The following RBFOX1 variants were observed in gnomAD, a reference collection of about 807,000 sequenced individuals.
The protein encoded by RBFOX1 is RNA binding fox-1 homolog 1, also known as RNA binding protein fox-1 homolog 1.
A neutral mutation model predicts 57.7 loss-of-function variants in RBFOX1; 8 were observed. The ratio of observed to expected loss-of-function variants is 0.14; its 90% CI spans 0.08 to 0.25. RBFOX1 has a LOEUF of 0.25. Ranked by LOEUF, RBFOX1 falls within the 10% of genes least tolerant of loss-of-function variation. The pLI, the probability that RBFOX1 is intolerant of heterozygous loss-of-function variation, is 1.00. For missense variants in RBFOX1, 611 were observed against 548.5 expected (o/e 1.11, Z -1.14); for synonymous variants, 326 against 222.4 (o/e 1.47, Z -4.15).
chr16:6,438,704 G>T (rs1412180552), intron 2 of RBFOX1, among the ~76,000 whole-genome samples: 1 of 152,086 alleles, frequency 6.6e-6, no homozygotes, highest in Non-Finnish European at 1.5e-5. Flanking sequence ...CAGATGTTCG[G>T]GCTTTCCATA....
chr16:6,751,692 T>C (rs892573421), intron 3 of RBFOX1, among the ~76,000 whole-genome samples: 1 of 152,186 alleles, frequency 6.6e-6, no homozygotes, highest in African/African-American at 2.4e-5. Flanking sequence ...ATCAGCTTGC[T>C]GCTTACAGTA....
intron 5 of RBFOX1, among the ~76,000 whole-genome samples, chr16:7,543,654 T>C (rs886799403): frequency 2.0e-5 from 3 of 150,500 alleles, no homozygotes; most frequent in African/African-American, 7.3e-5. Flanking sequence ...GTCTGCACCA[T>C]GCTGGGCAGT....
chr16:6,068,538 G>C (rs2095796083), intron 1 of RBFOX1, among the ~76,000 whole-genome samples: 1 of 152,062 alleles, frequency 6.6e-6, no homozygotes, highest in African/African-American at 2.4e-5. Flanking sequence ...ATACTCCCCA[G>C]GTATCCACAA....
intron 5 of RBFOX1, among the ~76,000 whole-genome samples, chr16:7,519,257 A>C (rs1286154445): frequency 1.3e-5 from 2 of 152,040 alleles, no homozygotes; most frequent in African/African-American, 4.8e-5. Flanking sequence ...ACCTTAGCCT[A>C]ATACATTTGA....
chr16:5,521,358 T>C, intron 2 of RBFOX1, among the ~76,000 whole-genome samples: 1 of 5,700 alleles, frequency 1.8e-4, no homozygotes, highest in African/African-American at 8.5e-4. Context: ...CTGTTGGGGG[T>C]GGGGTGGGGT....
chr16:7,518,498 T>A, intron 5 of RBFOX1, 109 bp downstream of exon 5: 1 of 1,447,880 alleles, frequency 6.9e-7, no homozygotes, highest in Admixed American at 2.3e-5. Context: ...GGGAAACAGA[T>A]CAGTCCCTAA....
intron 4 of RBFOX1, among the ~76,000 whole-genome samples, chr16:7,390,058 C>T (rs1397655829): frequency 1.3e-5 from 2 of 152,174 alleles, no homozygotes; most frequent in African/African-American, 4.8e-5. Flanking sequence ...GAAGCAAGCA[C>T]ATCCTCACAT....
intron 4 of RBFOX1, among the ~76,000 whole-genome samples, chr16:7,389,072 G>T (rs2097941098): frequency 6.6e-6 from 1 of 152,072 alleles, no homozygotes; most frequent in East Asian, 1.9e-4. Context: ...TATGTTCAGT[G>T]CAGCACCATT....
chr16:6,455,367 G>A (rs1479910297), intron 2 of RBFOX1, among the ~76,000 whole-genome samples: 2 of 152,124 alleles, frequency 1.3e-5, no homozygotes, highest in Non-Finnish European at 2.9e-5. Flanking sequence ...GAAGGGAGAT[G>A]TCACTCCTGC....
chr16:5,761,449 C>G (rs1230537768), intron 3 of RBFOX1, among the ~76,000 whole-genome samples: 1 of 152,168 alleles, frequency 6.6e-6, no homozygotes, highest in East Asian at 1.9e-4. Flanking sequence ...ATACTGGATA[C>G]TTTATAAAGG....
chr16:5,739,514 T>G (rs1483558060), intron 3 of RBFOX1, among the ~76,000 whole-genome samples: 1 of 152,234 alleles, frequency 6.6e-6, no homozygotes, highest in Non-Finnish European at 1.5e-5. Flanking sequence ...CTTGTGTGCA[T>G]GGGGTCATTT....
At position 7,189,554 on chromosome 16, in the gene RBFOX1, A is replaced by AACACACACACAC. The variant is rs779531861; in HGVS notation, c.27+137478_27+137489dup. ...CACTCCAAAACACTATGTCCCCCAA[A>AACACACACACAC]ACACACACACACACACACACACACA... On this transcript the variant is annotated intron_variant, in intron 4 of 15. Coordinates refer to ENST00000550418, the MANE Select transcript of RBFOX1 (RefSeq NM_018723.4). 2.2e-3 allele frequency among the ~76,000 whole-genome samples: 294 copies of AACACACACACAC among 135,862 alleles called. 2 individuals carry two copies. Among genetic ancestry groups the AACACACACACAC allele is most frequent in the East Asian group, 9.4e-3 (39 of 4,150 alleles). The allele number at this position is 135,862 out of a possible 152,430, so 89.1% of individuals were successfully genotyped here.
chr16:6,232,531 C>G (rs529071685), intron 1 of RBFOX1, among the ~76,000 whole-genome samples: 1 of 152,258 alleles, frequency 6.6e-6, no homozygotes, highest in African/African-American at 2.4e-5. Context: ...CTGCTCCACC[C>G]TTCCCCTTAA....
At chr16:5,726,475 T>C (rs1269361115) in intron 3 of RBFOX1, among the ~76,000 whole-genome samples, 1 of 152,286 alleles carries the variant, frequency 6.6e-6, no homozygotes, top group Non-Finnish European at 1.5e-5. Context: ...ACTTTCTTTG[T>C]CCCGCTTTCC....
chr16:5,423,146 T>C (rs2067405506), intron 1 of RBFOX1, among the ~76,000 whole-genome samples: 1 of 151,728 alleles, frequency 6.6e-6, no homozygotes, highest in Non-Finnish European at 1.5e-5. Flanking sequence ...AGGGAGAAGG[T>C]TGAAATAATT....
intron 1 of RBFOX1, among the ~76,000 whole-genome samples, chr16:5,427,169 G>A (rs1281406910): frequency 6.6e-6 from 1 of 152,186 alleles, no homozygotes; most frequent in African/African-American, 2.4e-5. Context: ...GCCCTTGAGT[G>A]GGCTCACCAG....
intron 1 of RBFOX1, among the ~76,000 whole-genome samples, chr16:6,285,382 A>G (rs186887791): frequency 6.6e-6 from 1 of 152,308 alleles, no homozygotes; most frequent in Admixed American, 6.5e-5. Flanking sequence ...GGAGCCATAT[A>G]CATTGTGGTA....
chr16:7,168,394 C>A (rs1567546641), intron 4 of RBFOX1, among the ~76,000 whole-genome samples: 1 of 150,830 alleles, frequency 6.6e-6, no homozygotes, highest in African/African-American at 2.4e-5. Flanking sequence ...AAAGAGTGTA[C>A]CTCAAACCTC....
intron 3 of RBFOX1, among the ~76,000 whole-genome samples, chr16:5,725,130 C>G (rs771368134): frequency 2.6e-5 from 4 of 152,170 alleles, no homozygotes; most frequent in Non-Finnish European, 5.9e-5. Context: ...GGGGAATCCT[C>G]CAAGAGGCCT....
Sources: allele counts gnomAD v4.1 joint callset (sites outside exome capture counted in the v4.1 genomes callset), GRCh38; gene constraint gnomAD v4.1.1; transcripts MANE v1.5; gene names NCBI Gene and HGNC (gene_info 2026-07-23, HGNC 2026-07-21).